The following ARHGAP10 variants were observed in gnomAD, a reference collection of about 807,000 sequenced individuals.
The protein encoded by ARHGAP10 is Rho GTPase activating protein 10, also known as rho GTPase-activating protein 10.
A neutral mutation model predicts 108.6 loss-of-function variants in ARHGAP10; 87 were observed. That is an observed-to-expected ratio of 0.80 (90% confidence interval 0.67 to 0.96). The LOEUF (loss-of-function observed/expected upper bound fraction) is 0.96. ARHGAP10 is among the 40% of genes least tolerant of loss of function. The pLI is 0.00. For synonymous variants in ARHGAP10, 347 were observed against 341.1 expected (o/e 1.02, Z -0.19); for missense variants, 939 against 954.5 (o/e 0.98, Z 0.21).
intron 13 of ARHGAP10, 101 bp from the exon 14 acceptor site, chr4:147,939,724 T>C (rs1738098325): frequency 1.0e-6 from 1 of 988,348 alleles, no homozygotes; most frequent in Admixed American, 1.8e-5. Context: ...TTAACAGGAA[T>C]GCTGCTAATG....
intron 1 of ARHGAP10, among the ~76,000 whole-genome samples, chr4:147,745,149 A>G (rs1436065751): frequency 2.0e-5 from 3 of 152,002 alleles, no homozygotes; most frequent in Non-Finnish European, 4.4e-5. Flanking sequence ...GCTTGAGTCA[A>G]GGTGACATTG....
intron 12 of ARHGAP10, among the ~76,000 whole-genome samples, chr4:147,910,640 G>A (rs10014593): frequency 0.11 from 17,369 of 151,786 alleles, 1,212 homozygotes; most frequent in East Asian, 0.32. Flanking sequence ...TGCTGTACTT[G>A]AAGAAAATGA....
At chr4:147,959,595 C>T (rs1405110138) in intron 16 of ARHGAP10, among the ~76,000 whole-genome samples, 3 of 152,188 alleles carry the variant, frequency 2.0e-5, no homozygotes, top group East Asian at 1.9e-4. Context: ...TCAATTCCCA[C>T]CTATGAGTGA....
In ARHGAP10 at chr4:148,035,398, G is replaced by C. The variant is rs904397032; in HGVS notation, c.1868-11494G>C. ...GGAATGCAGAGCTGTATGTAGTTTT[G>C]TTTCTGTGCTTTTGGGATTGTGGAG... On this transcript the variant is annotated intron_variant, in intron 19 of 22. Transcript: ENST00000336498. 1.1e-4 allele frequency among the ~76,000 whole-genome samples: 16 copies of C among 152,142 alleles called. 1 individual carries two copies. The highest frequency in any genetic ancestry group is 6.5e-4 in the Admixed American group (10 of 15,274).
intron 1 of ARHGAP10, among the ~76,000 whole-genome samples, chr4:147,818,565 CAAAA>C (rs5862813): frequency 1.4e-4 from 15 of 105,246 alleles, no homozygotes; most frequent in African/African-American, 2.1e-4. Context: ...AAACTGTCAC[CAAAA>C]AAAAAAAAAA....
chr4:148,015,701 T>C (rs982356551), intron 18 of ARHGAP10, among the ~76,000 whole-genome samples: 1 of 152,174 alleles, frequency 6.6e-6, no homozygotes, highest in Admixed American at 6.5e-5. Flanking sequence ...GAAGTTCAGG[T>C]TGCCTGGGAG....
chr4:148,045,363 A>G (rs372114166), intron 19 of ARHGAP10, among the ~76,000 whole-genome samples: 1 of 152,088 alleles, frequency 6.6e-6, no homozygotes, highest in African/African-American at 2.4e-5. Flanking sequence ...ATTTTGTACA[A>G]TCAGTTTTCA....
chr4:147,971,954 G>A (rs116018286), intron 18 of ARHGAP10, among the ~76,000 whole-genome samples: 1,582 of 152,224 alleles, frequency 0.01, 19 homozygotes, highest in South Asian at 0.026. Flanking sequence ...GGCAAAACCC[G>A]GGGACTGGGT....
chr4:147,990,631 C>A (rs767348927), intron 18 of ARHGAP10, among the ~76,000 whole-genome samples: 1 of 152,102 alleles, frequency 6.6e-6, no homozygotes, highest in Non-Finnish European at 1.5e-5. Context: ...TCCTTTGCAG[C>A]AACATGGATG....
intron 1 of ARHGAP10, among the ~76,000 whole-genome samples, chr4:147,754,900 C>A (rs536765878): frequency 6.6e-6 from 1 of 152,014 alleles, no homozygotes; most frequent in Non-Finnish European, 1.5e-5. Context: ...TCGAGACCAG[C>A]CTGACCAACA....
intron 8 of ARHGAP10, among the ~76,000 whole-genome samples, chr4:147,876,625 A>C (rs1476801347): frequency 6.6e-6 from 1 of 151,976 alleles, no homozygotes; most frequent in Non-Finnish European, 1.5e-5. Context: ...AAAACAAAAA[A>C]CCACCTCGAT....
At position 147,854,228 on chromosome 4, in the gene ARHGAP10, T is replaced by C. The variant is rs112034820; in HGVS notation, c.385-3325T>C. Reference sequence around the variant, plus strand: ...TAAATTTTGTTTGGCTTCCTCGTGTTGTTACAATTAAGAAAAAATGTGTTG... The same window carrying C: ...TAAATTTTGTTTGGCTTCCTCGTGTCGTTACAATTAAGAAAAAATGTGTTG... On this transcript the variant is annotated intron_variant, in intron 4 of 22. Transcript: ENST00000336498. 9.6e-3 allele frequency among the ~76,000 whole-genome samples: 1,458 copies of C among 152,340 alleles called. 25 individuals are homozygous for C. Among genetic ancestry groups the C allele is most frequent in the African/African-American group, 0.032 (1,331 of 41,578 alleles).
At chr4:147,772,978 A>T (rs1730136911) in intron 1 of ARHGAP10, among the ~76,000 whole-genome samples, 1 of 152,222 alleles carries the variant, frequency 6.6e-6, no homozygotes, top group Non-Finnish European at 1.5e-5. Flanking sequence ...TTTTGGAATT[A>T]AGTAGGAAAG....
intron 14 of ARHGAP10, among the ~76,000 whole-genome samples, chr4:147,946,042 A>G (rs958114271): frequency 6.6e-6 from 1 of 152,100 alleles, no homozygotes; most frequent in Non-Finnish European, 1.5e-5. Context: ...GCCACTCCAC[A>G]TTGATTTATT....
intron 1 of ARHGAP10, among the ~76,000 whole-genome samples, chr4:147,753,693 A>G (rs1729258095): frequency 6.6e-6 from 1 of 152,132 alleles, no homozygotes; most frequent in Non-Finnish European, 1.5e-5. Flanking sequence ...GTGAACAAGT[A>G]ATTAAGGAAA....
At chr4:148,009,411 C>T (rs1741087354) in intron 18 of ARHGAP10, among the ~76,000 whole-genome samples, 1 of 152,102 alleles carries the variant, frequency 6.6e-6, no homozygotes. Context: ...GGATTATAGC[C>T]ATGAGGCGCC....
At chr4:147,740,620 C>G (rs952114580) in intron 1 of ARHGAP10, among the ~76,000 whole-genome samples, 1 of 152,112 alleles carries the variant, frequency 6.6e-6, no homozygotes, top group African/African-American at 2.4e-5. Context: ...TATAGACATT[C>G]CAAGGTCGGG....
At chr4:148,069,191 T>G (rs1472364347) in intron 22 of ARHGAP10, among the ~76,000 whole-genome samples, 2 of 152,180 alleles carry the variant, frequency 1.3e-5, no homozygotes, top group African/African-American at 4.8e-5. Context: ...AGGGAGAGCC[T>G]GCCAGCCTTA....
intron 22 of ARHGAP10, among the ~76,000 whole-genome samples, chr4:148,066,548 G>A (rs772881845): frequency 1.6e-4 from 25 of 152,318 alleles, no homozygotes; most frequent in Non-Finnish European, 2.5e-4. Flanking sequence ...GAAAGTGTGC[G>A]TGTACACACG....
Sources: gnomAD v4.1 joint callset for allele counts (sites outside exome capture counted in the v4.1 genomes callset) on GRCh38, gnomAD v4.1.1 for gene constraint, MANE v1.5 for transcripts, NCBI Gene and HGNC (gene_info 2026-07-23, HGNC 2026-07-21) for gene names.